Variants in KLF13 observed in about 807,000 individuals in gnomAD.
KLF13 encodes the protein Krueppel-like factor 13.
KLF13 carries 8 observed loss-of-function variants against 16.7 expected under a neutral mutation model. The ratio of observed to expected loss-of-function variants is 0.48; its 90% CI spans 0.28 to 0.87. KLF13 has a LOEUF of 0.87. KLF13 is among the 40% of genes least tolerant of loss of function. KLF13 has a pLI of 0.10. For missense variants in KLF13, 447 were observed against 452.2 expected (o/e 0.99, Z 0.10); for synonymous variants, 245 against 208.4 (o/e 1.18, Z -1.51).
intron 1 of KLF13, among the ~76,000 whole-genome samples, chr15:31,340,518 C>G (rs942592779): frequency 1.3e-5 from 2 of 152,230 alleles, no homozygotes; most frequent in Admixed American, 6.5e-5. Context: ...AAAGCAGAAA[C>G]AGTCCTGCTA....
intron 1 of KLF13, among the ~76,000 whole-genome samples, chr15:31,365,308 G>A (rs903570169): frequency 2.6e-5 from 4 of 152,152 alleles, no homozygotes; most frequent in Non-Finnish European, 4.4e-5. Flanking sequence ...GCGCTCCAGA[G>A]GTCTGTTGTA....
At chr15:31,407,950 C>T (rs1034436199), downstream of KLF13, among the ~76,000 whole-genome samples, 10 of 152,156 alleles carry the variant, frequency 6.6e-5, no homozygotes, top group African/African-American at 2.4e-4. Context: ...TGAGGAAACA[C>T]TAGAGACATT....
intron 1 of KLF13, among the ~76,000 whole-genome samples, chr15:31,329,149 G>A (rs1007568400): frequency 6.6e-6 from 1 of 152,006 alleles, no homozygotes; most frequent in Non-Finnish European, 1.5e-5. Flanking sequence ...TGGGGTAGAG[G>A]GTGAGAGCGG....
intron 2 of KLF13, among the ~76,000 whole-genome samples, chr15:31,395,099 C>G (rs2039936959): frequency 6.6e-6 from 1 of 152,194 alleles, no homozygotes; most frequent in Non-Finnish European, 1.5e-5. Flanking sequence ...CCTGTCTCAG[C>G]CTCCTGAGTA....
chr15:31,418,129 G>A (rs953249682), intron 1 of KLF13, among the ~76,000 whole-genome samples: 13 of 151,696 alleles, frequency 8.6e-5, no homozygotes, highest in African/African-American at 3.2e-4. Flanking sequence ...GTTTAAAGAA[G>A]AACTGTAATT....
chr15:31,404,769 C>G (rs1158170712), downstream of KLF13: 1 of 152,298 alleles, frequency 6.6e-6, no homozygotes, highest in Non-Finnish European at 1.5e-5. Context: ...CTGTAACACT[C>G]ACTGTGAAGG....
At chr15:31,402,180 A>G (rs1021761688) in intron 2 of KLF13, among the ~76,000 whole-genome samples, 1 of 152,208 alleles carries the variant, frequency 6.6e-6, no homozygotes, top group African/African-American at 2.4e-5. Flanking sequence ...CGGGCATGGG[A>G]GCCACAGATG....
chr15:31,396,758 C>T (rs1290461486), intron 2 of KLF13, among the ~76,000 whole-genome samples: 1 of 152,212 alleles, frequency 6.6e-6, no homozygotes, highest in Non-Finnish European at 1.5e-5. Context: ...AGCTGCGTGA[C>T]TCCTAAACCA....
intron 1 of KLF13, among the ~76,000 whole-genome samples, chr15:31,433,559 T>C (rs1299198569): frequency 6.6e-6 from 1 of 152,128 alleles, no homozygotes; most frequent in Non-Finnish European, 1.5e-5. Context: ...ATCAGGGCAG[T>C]GAGCCAGGAC....
intron 1 of KLF13, among the ~76,000 whole-genome samples, chr15:31,330,279 TCTGCAGTCAGTGA>T (rs752353893): frequency 3.3e-5 from 5 of 152,196 alleles, no homozygotes; most frequent in Admixed American, 6.5e-5. Flanking sequence ...TTGTGGGGTC[TCTGCAGTCAGTGA>T]CTGAGGTCAT....
chr15:31,369,215 T>C (rs1468383970), intron 1 of KLF13, among the ~76,000 whole-genome samples: 1 of 152,240 alleles, frequency 6.6e-6, no homozygotes. Context: ...CTTAAATCCA[T>C]GTTCTCTGCT....
chr15:31,359,631 C>T (rs1269285011), intron 1 of KLF13, among the ~76,000 whole-genome samples: 1 of 152,268 alleles, frequency 6.6e-6, no homozygotes, highest in Admixed American at 6.5e-5. Context: ...CAAATCCCAT[C>T]TTCCTGAGGT....
At chr15:31,347,192 C>T (rs550257236) in intron 1 of KLF13, among the ~76,000 whole-genome samples, 1 of 152,306 alleles carries the variant, frequency 6.6e-6, no homozygotes, top group East Asian at 1.9e-4. Flanking sequence ...GTAGCACCAG[C>T]CTTCCCAGAA....
chr15:31,354,907 A>G (rs1039703072), intron 1 of KLF13, among the ~76,000 whole-genome samples: 18 of 152,286 alleles, frequency 1.2e-4, no homozygotes, highest in African/African-American at 3.9e-4. Context: ...TGATACGTCT[A>G]ATTTTCATAC....
upstream of KLF13, among the ~76,000 whole-genome samples, chr15:31,391,806 G>C (rs1595493627): frequency 1.3e-5 from 2 of 152,244 alleles, no homozygotes; most frequent in Admixed American, 6.5e-5. Flanking sequence ...AGTTGGGTTG[G>C]GGGAGGCGGA....
intron 1 of KLF13, among the ~76,000 whole-genome samples, chr15:31,335,359 A>G (rs2038910032): frequency 6.6e-6 from 1 of 150,984 alleles, no homozygotes; most frequent in South Asian, 2.1e-4. Flanking sequence ...TGTGTCCTCC[A>G]CACTGCTTCA....
chr15:31,413,206 A>AAAAAAAAAAAAAAAAAAAAAAAAAAAAC (rs1566843740), intron 1 of KLF13, among the ~76,000 whole-genome samples: 2 of 145,452 alleles, frequency 1.4e-5, no homozygotes, highest in Admixed American at 7.1e-5. Flanking sequence ...AAAAAAACAA[A>AAAAAAAAAAAAAAAAAAAAAAAAAAAAC]AAACAAAAAA....
Position 31,423,102 on chromosome 15 carries a change from TATACGTATAC to T in KLF13, n.118-12267_118-12258del, listed in dbSNP as rs1307456931. Among the ~76,000 whole-genome samples the T allele has an allele frequency of 5.1e-4, 46 of 90,224 alleles. 13 individuals are homozygous for T. The highest frequency in any genetic ancestry group is 2.1e-3 in the South Asian group (5 of 2,412). The allele number at this position is 90,224 out of a possible 152,430, so 59.2% of individuals were successfully genotyped here. On this transcript the variant is annotated intron_variant and non_coding_transcript_variant, in intron 1 of 1. Coordinates refer to the KLF13 transcript ENST00000558225. ...TTACATATATATACGTATATATACG[TATACGTATAC>T]GTATATATACGTATATATACGTATA... is the stretch of plus-strand genomic sequence containing the variant.
intron 1 of KLF13, among the ~76,000 whole-genome samples, chr15:31,345,792 T>C (rs761177426): frequency 7.9e-5 from 12 of 152,094 alleles, no homozygotes; most frequent in Non-Finnish European, 1.3e-4. Flanking sequence ...GCCAGCCTGG[T>C]GTAAAGTCGT....
Sources: allele counts gnomAD v4.1 joint callset (sites outside exome capture counted in the v4.1 genomes callset), GRCh38; gene constraint gnomAD v4.1.1; transcripts MANE v1.5; gene names NCBI Gene and HGNC (gene_info 2026-07-23, HGNC 2026-07-21).